Variants in MORC1 observed in about 807,000 individuals in gnomAD.
MORC1 encodes the protein MORC family CW-type zinc finger protein 1.
Under a neutral mutation model 134.9 loss-of-function variants are expected in MORC1, and 59 were observed. The observed-to-expected ratio is 0.44, with a 90% CI of 0.35 to 0.54. MORC1 has a LOEUF of 0.54. Ranked by LOEUF, MORC1 falls within the 20% of genes least tolerant of loss-of-function variation. The pLI is 0.00. For synonymous variants in MORC1, 395 were observed against 391.7 expected, an observed-to-expected ratio of 1.01 and a Z score of -0.10; for missense variants, 947 against 1,134.5, an observed-to-expected ratio of 0.83 and a Z score of 2.37.
chr3:108,967,251 G>A (rs1947246082), intron 26 of MORC1, among the ~76,000 whole-genome samples: 1 of 152,134 alleles, frequency 6.6e-6, no homozygotes, highest in African/African-American at 2.4e-5. Flanking sequence ...ATTACTAATG[G>A]TGTAGACATT....
At chr3:109,065,044 G>A (rs191845261) in intron 9 of MORC1, among the ~76,000 whole-genome samples, 257 of 152,204 alleles carry the variant, frequency 1.7e-3, no homozygotes, top group Middle Eastern at 6.8e-3. Flanking sequence ...CAACATATCT[G>A]TAATCCAGAC....
chr3:109,002,343 C>T (rs532926531), intron 20 of MORC1, among the ~76,000 whole-genome samples: 1 of 152,298 alleles, frequency 6.6e-6, no homozygotes, highest in South Asian at 2.1e-4. Context: ...AAGTGTGTAT[C>T]AGTCCCCCAT....
At chr3:109,113,484 C>A (rs1951210420) in intron 2 of MORC1, among the ~76,000 whole-genome samples, 1 of 151,750 alleles carries the variant, frequency 6.6e-6, no homozygotes, top group Non-Finnish European at 1.5e-5. Context: ...GGAACAAATG[C>A]AAAAAAAGCT....
intron 17 of MORC1, among the ~76,000 whole-genome samples, chr3:109,011,524 G>T (rs574848896): frequency 0.017 from 2,389 of 138,300 alleles, 70 homozygotes; most frequent in African/African-American, 0.058. Context: ...CTTTGTTTTT[G>T]TTTTTTTTTT....
At chr3:109,039,828 T>C (rs1325099571) in intron 14 of MORC1, among the ~76,000 whole-genome samples, 1 of 152,124 alleles carries the variant, frequency 6.6e-6, no homozygotes, top group African/African-American at 2.4e-5. Flanking sequence ...TCCCTCATGG[T>C]TGCAAGCCCC....
intron 27 of MORC1, among the ~76,000 whole-genome samples, chr3:108,961,429 T>A (rs1027788459): frequency 1.3e-5 from 2 of 152,186 alleles, no homozygotes; most frequent in Non-Finnish European, 2.9e-5. Flanking sequence ...TTAGATATAA[T>A]CTCATCTTTT....
chr3:108,964,662 C>T (rs916079380), intron 26 of MORC1, among the ~76,000 whole-genome samples: 8 of 152,142 alleles, frequency 5.3e-5, no homozygotes, highest in Non-Finnish European at 8.8e-5. Context: ...AACTCGAAAG[C>T]ACTGCATTTA....
chr3:109,093,255 G>A (rs1326943758), intron 8 of MORC1, among the ~76,000 whole-genome samples, 181 bp downstream of exon 8: 1 of 152,030 alleles, frequency 6.6e-6, no homozygotes, highest in East Asian at 1.9e-4. Flanking sequence ...AAACATCCCA[G>A]GGCACTCTGA....
chr3:109,087,582 A>T (rs1236991628), intron 8 of MORC1, among the ~76,000 whole-genome samples: 1 of 152,112 alleles, frequency 6.6e-6, no homozygotes, highest in Non-Finnish European at 1.5e-5. Context: ...GAGAAGACAC[A>T]AACAAATGGA....
At chr3:109,014,654 A>G (rs1169173515) in intron 17 of MORC1, among the ~76,000 whole-genome samples, 1 of 152,190 alleles carries the variant, frequency 6.6e-6, no homozygotes, top group African/African-American at 2.4e-5. Flanking sequence ...TAGCTTGAAG[A>G]TAATTATTTC....
chr3:109,090,636 A>AAC (rs1950700880), intron 8 of MORC1, among the ~76,000 whole-genome samples: 1 of 151,172 alleles, frequency 6.6e-6, no homozygotes, highest in Non-Finnish European at 1.5e-5. Context: ...AAAAAAAAAA[A>AAC]AAAAAACACG....
rs757410378 is a variant in MORC1, at chr3:109,104,876, C to CAT, written c.155-960_155-959insAT. On this transcript the variant is annotated intron_variant, in intron 3 of 27. Transcript: ENST00000232603. ...AATTTGACAAATTTTAACACACACA[C>CAT]ACACACACACACACACGTATGAAAT... 2.8e-4 allele frequency among the ~76,000 whole-genome samples: 43 copies of CAT among 151,776 alleles called. 1 individual carries two copies. In the South Asian group the frequency reaches 8.6e-3, roughly 30 times the overall value.
chr3:108,975,369 A>G (rs6798064), intron 24 of MORC1, among the ~76,000 whole-genome samples: 29,023 of 152,178 alleles, frequency 0.19, 3,289 homozygotes, highest in Middle Eastern at 0.32. Flanking sequence ...AATGTTAAAA[A>G]GTTACTTTCT....
chr3:109,099,398 A>G lies in MORC1; in HGVS notation c.383T>C (p.Phe128Ser). ...TKKEETMTCVFFSQTFCEEES... is the reference protein window; with the variant it reads ...TKKEETMTCVSFSQTFCEEES... ...TTCTTCACAGAATGTCTGAGAAAAA[A>G]ACACACAGGTCATCGTTTCTTCCTT... The change falls in exon 6 of 28, where the codon TTT (phenylalanine) becomes TCT (serine). Residue 128 changes from phenylalanine (F) to serine (S), a missense_variant. This residue lies in a region of MORC1 where 214 missense variants were observed against 281.3 expected (regional missense o/e 0.76). Transcript: ENST00000232603. 6.2e-7 allele frequency: 1 copy of G among 1,613,232 alleles called. No individual in the cohort carries two copies. The highest frequency in any genetic ancestry group is 1.1e-5 in the South Asian group (1 of 90,848).
At chr3:109,031,902 A>G (rs1174395393) in intron 16 of MORC1, among the ~76,000 whole-genome samples, 1 of 152,204 alleles carries the variant, frequency 6.6e-6, no homozygotes, top group Non-Finnish European at 1.5e-5. Context: ...GCCATGAGAA[A>G]TCTAAGACCC....
At chr3:109,008,568 T>C (rs1234865598) in intron 17 of MORC1, among the ~76,000 whole-genome samples, 1 of 151,974 alleles carries the variant, frequency 6.6e-6, no homozygotes, top group Non-Finnish European at 1.5e-5. Context: ...TTTTCATGTA[T>C]CACTTGTAAT....
chr3:108,971,850 G>T (rs1363698321), intron 24 of MORC1, among the ~76,000 whole-genome samples: 1 of 151,748 alleles, frequency 6.6e-6, no homozygotes, highest in African/African-American at 2.4e-5. Context: ...AGGGAGGCAG[G>T]GAGGAGAAAA....
In MORC1 at chr3:108,979,713, A is replaced by G. The variant is rs199822116; in HGVS notation, c.2325-46T>C. 1.9e-3 allele frequency: 2,956 copies of G among 1,595,706 alleles called. 5 individuals are homozygous for G. The highest frequency in any genetic ancestry group is 2.4e-3 in the Non-Finnish European group (2,751 of 1,169,680). ...GTAGAAATCATGTTAGGTATTAATAATTTCAGAAACACTAATATACAAAAA... is the reference window on the plus strand; with the variant it reads ...GTAGAAATCATGTTAGGTATTAATAGTTTCAGAAACACTAATATACAAAAA... On this transcript the variant is annotated intron_variant, in intron 23 of 27. Coordinates refer to ENST00000232603, the MANE Select transcript of MORC1 (RefSeq NM_014429.4).
intron 15 of MORC1, 141 bp downstream of exon 15, chr3:109,035,199 T>A: frequency 1.4e-6 from 1 of 696,194 alleles, no homozygotes; most frequent in Non-Finnish European, 2.3e-6. Flanking sequence ...TTTTCACACT[T>A]ATAACTTTCT....
Sources: gnomAD v4.1 joint callset for allele counts (sites outside exome capture counted in the v4.1 genomes callset) on GRCh38, gnomAD v4.1.1 for gene constraint, gnomAD v4.1.1 regional missense constraint, MANE v1.5 for transcripts, NCBI Gene and HGNC (gene_info 2026-07-23, HGNC 2026-07-21) for gene names.